UBA52: variants seen among roughly 807,000 people sequenced by gnomAD.
The protein encoded by UBA52 is ubiquitin-ribosomal protein eL40 fusion protein.
UBA52 carries 1 observed loss-of-function variant against 15.3 expected under a neutral mutation model. That is an observed-to-expected ratio of 0.07 (90% CI 0.02 to 0.31). The LOEUF is 0.31. UBA52 is among the 10% of genes least tolerant of loss of function. The pLI is 1.00. For synonymous variants in UBA52, 50 were observed against 58.3 expected, an observed-to-expected ratio of 0.86 and a Z score of 0.65; for missense variants, 87 against 168.0, an observed-to-expected ratio of 0.52 and a Z score of 2.66.
rs1975738227 is a variant in UBA52 at position 18,575,349 on chromosome 19, C to T, written c.*199C>T. 6 of 611,348 alleles carry T rather than the reference C, an allele frequency of 9.8e-6. No individual in the cohort carries two copies. Among genetic ancestry groups the T allele is most frequent in the Non-Finnish European group, 1.7e-5 (6 of 350,282 alleles). 37.9% of individuals were successfully genotyped at this position (611,348 alleles called of 1,614,324 possible). The stretch of plus-strand genomic sequence containing the variant: ...CTGTGCCACCTGTGGGGTCTTCTGT[C>T]CTAGATTCTGTCACATCGGCATTGG... On this transcript the variant is annotated 3_prime_UTR_variant, in exon 5 of 5. Transcript: ENST00000442744.
chr19:18,569,831 C>A (rs982718307), upstream of UBA52, among the ~76,000 whole-genome samples: 1 of 151,880 alleles, frequency 6.6e-6, no homozygotes, highest in African/African-American at 2.4e-5. Flanking sequence ...GTCAGGAGTT[C>A]GAGACCAGCC....
intron 4 of UBA52, 36 bp downstream of exon 4, chr19:18,575,008 C>T: frequency 1.9e-6 from 3 of 1,614,214 alleles, no homozygotes. Context: ...GCTGTGGGGG[C>T]TGCCGGAGTC....
At chr19:18,566,275 C>T in the UBA52 span, among the ~76,000 whole-genome samples, 1 of 151,544 alleles carries the variant, frequency 6.6e-6, no homozygotes, top group African/African-American at 2.4e-5. Flanking sequence ...ATGGTGAAAC[C>T]CCGTCTCTAC....
upstream of UBA52, among the ~76,000 whole-genome samples, chr19:18,570,665 C>G (rs748064253): frequency 2.6e-5 from 4 of 151,542 alleles, no homozygotes; most frequent in African/African-American, 9.7e-5. Context: ...GCACCCGCCA[C>G]CACACCTGAA....
chr19:18,566,766 C>T (rs1175125938), upstream of UBA52, among the ~76,000 whole-genome samples: 1 of 151,602 alleles, frequency 6.6e-6, no homozygotes, highest in African/African-American at 2.4e-5. Context: ...GCACTCCACC[C>T]TGGGCGACAG....
At position 18,573,838 on chromosome 19, in the gene UBA52, C is replaced by A; in HGVS notation, c.190+90C>A. 3 of 1,223,444 alleles carry A rather than the reference C, an allele frequency of 2.5e-6. No individual in the cohort carries two copies. The East Asian group carries it at 7.2e-5, about 30-fold the overall frequency. 75.8% of individuals were successfully genotyped at this position (1,223,444 alleles called of 1,614,324 possible). On this transcript the variant is annotated intron_variant, in intron 3 of 4. Coordinates refer to ENST00000442744, the MANE Select transcript of UBA52 (RefSeq NM_001033930.3). ...TGGCCTCAGGGGTTGGGGAGCAGTT[C>A]AAATGACTTGTGTTTTGTTTAAAAT...
chr19:18,564,728 G>A, the UBA52 span: 5 of 912,254 alleles, frequency 5.5e-6, no homozygotes, highest in Non-Finnish European at 8.5e-6. Flanking sequence ...TCAAAGAGTA[G>A]GTAGAACTCT....
At chr19:18,568,252 C>T (rs1269892709), upstream of UBA52, 21 of 648,138 alleles carry the variant, frequency 3.2e-5, no homozygotes, top group East Asian at 1.0e-4. Flanking sequence ...GGGCAAAGAG[C>T]GAAACTCCGT....
upstream of UBA52, chr19:18,567,045 C>T (rs1975278514): frequency 3.2e-6 from 4 of 1,261,218 alleles, no homozygotes; most frequent in Non-Finnish European, 4.6e-6. Context: ...CCCTTGCCCT[C>T]AGCTGGCAGC....
intron 1 of UBA52, 81 bp from the exon 2 acceptor site, chr19:18,573,212 A>C: frequency 2.2e-6 from 3 of 1,368,094 alleles, no homozygotes; most frequent in East Asian, 2.3e-5. Flanking sequence ...AAGGGATAGC[A>C]ACTGTGGTGT....
At chr19:18,564,079 G>A in the UBA52 span, among the ~76,000 whole-genome samples, 1 of 151,974 alleles carries the variant, frequency 6.6e-6, no homozygotes, top group Non-Finnish European at 1.5e-5. Flanking sequence ...TAGAGACGCG[G>A]TTTTCCCATG....
upstream of UBA52, chr19:18,567,355 G>T: frequency 3.0e-6 from 2 of 663,802 alleles, no homozygotes; most frequent in South Asian, 3.4e-5. Flanking sequence ...TCAGCAGCTG[G>T]CAGAGTGGGC....
intron 2 of UBA52, 121 bp from the exon 3 acceptor site, chr19:18,573,541 T>C: frequency 7.6e-7 from 1 of 1,314,928 alleles, no homozygotes; most frequent in Non-Finnish European, 1.1e-6. Context: ...GAAGAACGTT[T>C]GTTATCTTCT....
the UBA52 span, among the ~76,000 whole-genome samples, chr19:18,565,752 A>G: frequency 1.3e-5 from 2 of 152,100 alleles, no homozygotes; most frequent in African/African-American, 4.8e-5. Context: ...CAGTGGTGCA[A>G]TGTCAGCTCA....
upstream of UBA52, chr19:18,568,445 C>A: frequency 6.2e-7 from 1 of 1,614,096 alleles, no homozygotes; most frequent in Non-Finnish European, 8.5e-7. Context: ...ATGAAGACCC[C>A]ATCCCACCCA....
chr19:18,573,593 C>G (rs1975618584), intron 2 of UBA52, 69 bp from the exon 3 acceptor site: 53 of 1,528,462 alleles, frequency 3.5e-5, no homozygotes, highest in Non-Finnish European at 4.7e-5. Context: ...AGTGCTGGAG[C>G]TCCCCTGCAG....
Position 18,572,996 on chromosome 19 carries a change from C to A in UBA52, c.-8-297C>A, listed in dbSNP as rs41292115. 5.5e-5 allele frequency: 67 copies of A among 1,221,950 alleles called. No individual in the cohort carries two copies. In the African/African-American group the frequency reaches 9.3e-4, roughly 17 times the overall value. The allele number at this position is 1,221,950 out of a possible 1,614,324, so 75.7% of individuals were successfully genotyped here. ...CATCAGGAGATACTGACGAGTCCTT[C>A]CGCCGCTAAACCTAAGGAGAATAAC... On this transcript the variant is annotated intron_variant, in intron 1 of 4. Coordinates refer to ENST00000442744, the MANE Select transcript of UBA52 (RefSeq NM_001033930.3).
chr19:18,574,745 A>G, intron 3 of UBA52, 125 bp from the exon 4 acceptor site: 2 of 1,222,406 alleles, frequency 1.6e-6, no homozygotes, highest in Non-Finnish European at 2.3e-6. Flanking sequence ...CACTCGGGGG[A>G]TCCCGACTTG....
chr19:18,571,392 T>C (rs1361336971), upstream of UBA52, among the ~76,000 whole-genome samples: 1 of 151,900 alleles, frequency 6.6e-6, no homozygotes, highest in Non-Finnish European at 1.5e-5. Flanking sequence ...AATGCGGTAG[T>C]ACCGTCTGCT....
Sources: gnomAD v4.1 joint callset for allele counts (sites outside exome capture counted in the v4.1 genomes callset) on GRCh38, gnomAD v4.1.1 for gene constraint, MANE v1.5 for transcripts, NCBI Gene and HGNC (gene_info 2026-07-23, HGNC 2026-07-21) for gene names.